Variants in HECW2 observed in about 807,000 individuals in gnomAD.
HECW2 encodes E3 ubiquitin-protein ligase HECW2.
Under a neutral mutation model 175.2 loss-of-function variants are expected in HECW2, and 61 were observed. The ratio of observed to expected loss-of-function variants is 0.35; its 90% CI spans 0.28 to 0.43. The LOEUF (loss-of-function observed/expected upper bound fraction) is 0.43, where lower values mean the gene tolerates loss of function less well. Among genes scored for constraint, HECW2 ranks in the 20% least tolerant of loss-of-function variants. HECW2 has a pLI of 1.00. For synonymous variants in HECW2, 671 were observed against 731.0 expected (o/e 0.92, Z 1.32); for missense variants, 1,524 against 2,000.5 (o/e 0.76, Z 4.54).
chr2:196,271,668 T>A (rs549323584), intron 16 of HECW2, among the ~76,000 whole-genome samples: 1 of 152,188 alleles, frequency 6.6e-6, no homozygotes, highest in African/African-American at 2.4e-5. Flanking sequence ...ACTTTCAGAG[T>A]CTGAGTTGGG....
rs1689146427 is a variant in HECW2 at position 196,258,294 on chromosome 2, T to G, written c.3336-388A>C. 2.0e-5 allele frequency among the ~76,000 whole-genome samples: 3 copies of G among 152,316 alleles called. No homozygotes were observed. In the South Asian group the frequency reaches 6.2e-4, roughly 32 times the overall value. ...ATGCCCTGCTGTTCCAAAAAGGGATTGTGTTGGGAGAGTCATCTATTTTCC... is the reference window on the plus strand; with the variant it reads ...ATGCCCTGCTGTTCCAAAAAGGGATGGTGTTGGGAGAGTCATCTATTTTCC... On this transcript the variant is annotated intron_variant, in intron 17 of 28. Coordinates refer to ENST00000644978, the MANE Select transcript of HECW2 (RefSeq NM_001348768.2).
At chr2:196,309,661 A>G (rs1412251532) in intron 10 of HECW2, among the ~76,000 whole-genome samples, 2 of 152,220 alleles carry the variant, frequency 1.3e-5, no homozygotes, top group African/African-American at 4.8e-5. Flanking sequence ...TAATTCAGGC[A>G]CATAGACATC....
chr2:196,269,638 A>C (rs555709024), intron 17 of HECW2: 5 of 152,274 alleles, frequency 3.3e-5, no homozygotes, highest in Non-Finnish European at 7.4e-5. Context: ...ATATTTGAAC[A>C]GTAAGGAGGA....
chr2:196,454,837 G>A (rs1696455806), intron 1 of HECW2, among the ~76,000 whole-genome samples: 1 of 152,162 alleles, frequency 6.6e-6, no homozygotes, highest in Admixed American at 6.5e-5. Flanking sequence ...AATGGGGATT[G>A]TATCATTGTA....
At position 196,521,223 on chromosome 2, in the gene HECW2, G is replaced by A. The variant is rs555830503; in HGVS notation, c.-36+72285C>T. Among the ~76,000 whole-genome samples, 5 of 142,618 alleles carry A rather than the reference G, an allele frequency of 3.5e-5. No homozygotes were observed. The East Asian group carries it at 8.0e-4, about 23-fold the overall frequency. 93.6% of individuals were successfully genotyped at this position (142,618 alleles called of 152,430 possible). A position where few individuals can be genotyped will look rare whatever the true frequency, so the allele number is the denominator to read the frequency against. On this transcript the variant is annotated intron_variant, in intron 1 of 28. Coordinates refer to ENST00000644978, the MANE Select transcript of HECW2 (RefSeq NM_001348768.2). The stretch of plus-strand genomic sequence containing the variant: ...CACACCCAGGATCATTACTTCAAAG[G>A]GTTTTCCTCTATCCTGCAGTCTTTC...
At chr2:196,425,502 G>A (rs767257008) in intron 2 of HECW2, among the ~76,000 whole-genome samples, 1 of 152,138 alleles carries the variant, frequency 6.6e-6, no homozygotes, top group Non-Finnish European at 1.5e-5. Flanking sequence ...TCATGGGGTA[G>A]ACTAAAATAT....
At chr2:196,502,600 T>C (rs1370343945) in intron 1 of HECW2, among the ~76,000 whole-genome samples, 2 of 152,222 alleles carry the variant, frequency 1.3e-5, no homozygotes, top group Non-Finnish European at 2.9e-5. Context: ...GGTGGCAGTA[T>C]TTCCCTTCTA....
intron 13 of HECW2, among the ~76,000 whole-genome samples, chr2:196,299,806 T>G: frequency 6.6e-6 from 1 of 151,908 alleles, no homozygotes; most frequent in East Asian, 1.9e-4. Flanking sequence ...GCGGGCATCT[T>G]TGGTCCCAGC....
chr2:196,321,763 CT>C (rs1691952048), intron 7 of HECW2, among the ~76,000 whole-genome samples: 1 of 152,162 alleles, frequency 6.6e-6, no homozygotes, highest in Non-Finnish European at 1.5e-5. Flanking sequence ...CCTCTGCCCT[CT>C]AATGGCTATT....
chr2:196,317,451 A>C, intron 9 of HECW2, 82 bp from the exon 10 acceptor site: 1 of 967,952 alleles, frequency 1.0e-6, no homozygotes, highest in Non-Finnish European at 1.6e-6. Context: ...ACCTAACATA[A>C]TTCCCAAGGC....
chr2:196,485,956 G>A (rs1009740664), intron 1 of HECW2, among the ~76,000 whole-genome samples: 3 of 152,150 alleles, frequency 2.0e-5, no homozygotes, highest in African/African-American at 7.2e-5. Flanking sequence ...GCTATTCCCT[G>A]AATCAATTCA....
chr2:196,574,652 G>T (rs540806537), intron 1 of HECW2, among the ~76,000 whole-genome samples: 29 of 151,836 alleles, frequency 1.9e-4, no homozygotes, highest in Non-Finnish European at 3.8e-4. Context: ...AATTCCAATG[G>T]CATCCTTTAC....
chr2:196,420,893 G>T (rs1427896458), intron 2 of HECW2, among the ~76,000 whole-genome samples: 1 of 152,036 alleles, frequency 6.6e-6, no homozygotes, highest in African/African-American at 2.4e-5. Context: ...GTTTAAAATA[G>T]GATGGAATTA....
rs1256237659 is a variant in HECW2 at position 196,198,111 on chromosome 2, A to C, written c.*3166T>G. ...TCAGGGATTGGGATTTTTCACACTG[A>C]AAACCAATGGTGCATTGTAGAATAG... is the stretch of plus-strand genomic sequence containing the variant. On this transcript the variant is annotated 3_prime_UTR_variant, in exon 29 of 29. Coordinates refer to ENST00000644978, the MANE Select transcript of HECW2 (RefSeq NM_001348768.2). 3 of 152,344 alleles carry C rather than the reference A, an allele frequency of 2.0e-5. No individual in the cohort carries two copies. The highest frequency in any genetic ancestry group is 7.2e-5 in the African/African-American group (3 of 41,582). 9.4% of individuals were successfully genotyped at this position (152,344 alleles called of 1,614,324 possible). A position where few individuals can be genotyped will look rare whatever the true frequency, so the allele number is the denominator to read the frequency against.
intron 7 of HECW2, among the ~76,000 whole-genome samples, 198 bp downstream of exon 7, chr2:196,322,280 C>T (rs13385120): frequency 0.039 from 5,964 of 152,076 alleles, 405 homozygotes; most frequent in African/African-American, 0.13. Context: ...AAGATAAAGA[C>T]GCAAAAAACA....
At chr2:196,370,265 C>T (rs1693870083) in intron 2 of HECW2, among the ~76,000 whole-genome samples, 1 of 152,098 alleles carries the variant, frequency 6.6e-6, no homozygotes, top group Non-Finnish European at 1.5e-5. Flanking sequence ...TGAGTCCTTC[C>T]CTTCAAGGAA....
chr2:196,275,869 C>A (rs888338486), intron 15 of HECW2, among the ~76,000 whole-genome samples: 1 of 152,054 alleles, frequency 6.6e-6, no homozygotes, highest in Non-Finnish European at 1.5e-5. Flanking sequence ...GAAAAGACAT[C>A]AATATTTCTA....
chr2:196,299,876 C>T (rs1690972059), intron 13 of HECW2, among the ~76,000 whole-genome samples: 2 of 151,930 alleles, frequency 1.3e-5, no homozygotes, highest in African/African-American at 4.8e-5. Context: ...TTGCAGTGAG[C>T]CGAGATGGCG....
chr2:196,327,666 AG>A (rs1319098251), intron 5 of HECW2, among the ~76,000 whole-genome samples: 4 of 152,244 alleles, frequency 2.6e-5, no homozygotes, highest in Non-Finnish European at 5.9e-5. Flanking sequence ...TGCTACAACC[AG>A]ATTAATTTTT....
Sources: gnomAD v4.1 joint callset for allele counts (sites outside exome capture counted in the v4.1 genomes callset) on GRCh38, gnomAD v4.1.1 for gene constraint, MANE v1.5 for transcripts, NCBI Gene and HGNC (gene_info 2026-07-23, HGNC 2026-07-21) for gene names.